The following ARHGAP26 variants were observed in gnomAD, a reference collection of about 807,000 sequenced individuals.
ARHGAP26 encodes Rho GTPase activating protein 26.
Under a neutral mutation model 104.8 loss-of-function variants are expected in ARHGAP26, and 38 were observed. That is an observed-to-expected ratio of 0.36 (90% CI 0.28 to 0.48). The LOEUF (loss-of-function observed/expected upper bound fraction) is 0.48, where lower values mean the gene tolerates loss of function less well. Among genes scored for constraint, ARHGAP26 ranks in the 20% least tolerant of loss-of-function variants. The pLI is 0.99. For missense variants in ARHGAP26, 704 were observed against 947.9 expected (o/e 0.74, Z 3.38); for synonymous variants, 341 against 340.0 (o/e 1.00, Z -0.03).
intron 4 of ARHGAP26, among the ~76,000 whole-genome samples, chr5:142,882,113 A>G (rs1395341052): frequency 2.0e-5 from 3 of 152,206 alleles, no homozygotes; most frequent in Admixed American, 2.0e-4. Flanking sequence ...TATAACAGAC[A>G]TAAGAGAGTA....
At chr5:143,141,749 G>A (rs1011390788) in intron 19 of ARHGAP26, among the ~76,000 whole-genome samples, 2 of 152,194 alleles carry the variant, frequency 1.3e-5, no homozygotes, top group African/African-American at 4.8e-5. Flanking sequence ...ATAGAAAAGA[G>A]GGCTGTCTTG....
intron 5 of ARHGAP26, among the ~76,000 whole-genome samples, chr5:142,890,136 TAAAAA>T (rs1162535877): frequency 4.1e-4 from 12 of 29,194 alleles, no homozygotes; most frequent in African/African-American, 1.8e-3. Flanking sequence ...AACTCCGTCT[TAAAAA>T]AAAAAAAAAA....
chr5:143,040,770 G>A (rs566701169), intron 13 of ARHGAP26, among the ~76,000 whole-genome samples: 4 of 152,340 alleles, frequency 2.6e-5, no homozygotes, highest in African/African-American at 7.2e-5. Context: ...AAGGCTATGA[G>A]GTGGGGCCAT....
chr5:142,799,772 T>C (rs1403915198), intron 1 of ARHGAP26, among the ~76,000 whole-genome samples: 1 of 152,152 alleles, frequency 6.6e-6, no homozygotes, highest in African/African-American at 2.4e-5. Context: ...CCCATTCCTG[T>C]GATAATAAAC....
intron 5 of ARHGAP26, among the ~76,000 whole-genome samples, chr5:142,891,647 G>A (rs1051402256): frequency 5.3e-5 from 8 of 151,850 alleles, no homozygotes; most frequent in African/African-American, 1.7e-4. Flanking sequence ...AATGGAAGTA[G>A]GGGTCTGTTC....
intron 20 of ARHGAP26, among the ~76,000 whole-genome samples, chr5:143,150,384 G>GTCAT (rs1416998970): frequency 6.6e-6 from 1 of 152,218 alleles, no homozygotes; most frequent in Non-Finnish European, 1.5e-5. Context: ...GGACTTACAA[G>GTCAT]TCATAATGTG....
chr5:143,216,482 C>T (rs1240497435), intron 22 of ARHGAP26: 1 of 334,774 alleles, frequency 3.0e-6, no homozygotes, highest in Non-Finnish European at 6.0e-6. Flanking sequence ...CTCATGCCTT[C>T]TTCATGTTCT....
At chr5:142,802,053 G>A (rs183054424) in intron 1 of ARHGAP26, among the ~76,000 whole-genome samples, 2 of 152,168 alleles carry the variant, frequency 1.3e-5, no homozygotes, top group East Asian at 1.9e-4. Flanking sequence ...TCCAGAGGCC[G>A]TGAGAGTTGA....
At chr5:143,197,729 G>C (rs896706507) in intron 20 of ARHGAP26, among the ~76,000 whole-genome samples, 3 of 152,082 alleles carry the variant, frequency 2.0e-5, no homozygotes, top group African/African-American at 7.2e-5. Flanking sequence ...TCAGTTTCTG[G>C]AATTATTTCT....
intron 11 of ARHGAP26, among the ~76,000 whole-genome samples, chr5:142,973,726 C>T (rs749758259): frequency 3.9e-5 from 6 of 152,084 alleles, no homozygotes; most frequent in African/African-American, 4.8e-5. Context: ...CCTTAAGACC[C>T]AGGACATTTC....
intron 12 of ARHGAP26, among the ~76,000 whole-genome samples, chr5:143,028,192 TAAG>T (rs1598704748): frequency 2.0e-5 from 3 of 152,138 alleles, no homozygotes; most frequent in Admixed American, 6.5e-5. Context: ...ATGATGATGA[TAAG>T]AAAATGATGC....
intron 17 of ARHGAP26, among the ~76,000 whole-genome samples, chr5:143,118,763 C>T (rs1319812909): frequency 6.6e-6 from 1 of 151,820 alleles, no homozygotes; most frequent in Non-Finnish European, 1.5e-5. Flanking sequence ...CAGAGAAAGG[C>T]CTTGATCACA....
At chr5:142,865,900 C>T (rs1240315322) in intron 1 of ARHGAP26, among the ~76,000 whole-genome samples, 4 of 152,186 alleles carry the variant, frequency 2.6e-5, no homozygotes, top group Non-Finnish European at 4.4e-5. Context: ...TTCTGCATTT[C>T]GCATCTCCTT....
At position 142,974,773 on chromosome 5, in the gene ARHGAP26, G is replaced by T. The variant is rs534492854; in HGVS notation, c.1108-39307G>T. On this transcript the variant is annotated intron_variant, in intron 11 of 22. Transcript: ENST00000645722. ...CTAGAAAGTGATACATTTTTGGAAA[G>T]ATTTTTTCCTCCTCAACTATTTAGC... Among the ~76,000 whole-genome samples, 3 of 152,306 alleles carry T rather than the reference G, an allele frequency of 2.0e-5. No individual in the cohort carries two copies. The East Asian group carries it at 5.8e-4, about 29-fold the overall frequency.
intron 9 of ARHGAP26, among the ~76,000 whole-genome samples, chr5:142,911,811 T>A (rs1761872726): frequency 6.6e-6 from 1 of 152,212 alleles, no homozygotes. Context: ...TCAGAATCTC[T>A]TATGTTTGGG....
chr5:142,913,224 A>G lies in ARHGAP26; in HGVS notation c.959A>G (p.Lys320Arg), dbSNP rs775451635. The G allele has an allele frequency of 4.5e-5, 72 of 1,614,048 alleles. No homozygotes were observed. The highest frequency in any genetic ancestry group is 6.0e-5 in the Non-Finnish European group (71 of 1,180,010). The change falls in exon 10 of 23, where the codon AAA becomes AGA. Residue 320 changes from lysine (K) to arginine (R), a missense_variant. This residue lies in a region of ARHGAP26 where 287 missense variants were observed against 438.8 expected (regional missense o/e 0.65). Coordinates refer to ENST00000645722, the MANE Select transcript of ARHGAP26 (RefSeq NM_001135608.3). ...KGGEDESVILKSCTRRKTDSI... is the reference protein window; with the variant it reads ...KGGEDESVILRSCTRRKTDSI... ...GGAGAAGATGAATCAGTTATCCTCAAATCCTGCACACGGCGGAAAACAGAC... is the reference window on the plus strand; with the variant it reads ...GGAGAAGATGAATCAGTTATCCTCAGATCCTGCACACGGCGGAAAACAGAC...
rs1598323612 is a variant in ARHGAP26 at position 142,940,293 on chromosome 5, C to G, written c.1107+8168C>G. Among the ~76,000 whole-genome samples, 4 of 152,152 alleles carry G rather than the reference C, an allele frequency of 2.6e-5. No homozygotes were observed. The South Asian group carries it at 8.3e-4, about 32-fold the overall frequency. Reference sequence around the variant, plus strand: ...TAGTGTGACGATGCAGGCCTCAGTCCTTTCTGAGCTTTCTTTTTATTTATT... The same window carrying G: ...TAGTGTGACGATGCAGGCCTCAGTCGTTTCTGAGCTTTCTTTTTATTTATT... On this transcript the variant is annotated intron_variant, in intron 11 of 22. Transcript: ENST00000645722.
At chr5:143,063,557 C>A (rs1233503223) in intron 17 of ARHGAP26, among the ~76,000 whole-genome samples, 2 of 152,260 alleles carry the variant, frequency 1.3e-5, no homozygotes, top group African/African-American at 4.8e-5. Context: ...GTCTGTTTCT[C>A]ATGATCACCA....
intron 20 of ARHGAP26, among the ~76,000 whole-genome samples, chr5:143,152,478 A>G (rs1799962978): frequency 1.3e-5 from 2 of 152,192 alleles, no homozygotes; most frequent in African/African-American, 4.8e-5. Flanking sequence ...CCTATGTGAA[A>G]CTTGGGAGCA....
Sources: gnomAD v4.1 joint callset for allele counts (sites outside exome capture counted in the v4.1 genomes callset) on GRCh38, gnomAD v4.1.1 for gene constraint, gnomAD v4.1.1 regional missense constraint, MANE v1.5 for transcripts, NCBI Gene and HGNC (gene_info 2026-07-23, HGNC 2026-07-21) for gene names.